Variants in COLGALT2 observed in about 807,000 individuals in gnomAD.
The protein encoded by COLGALT2 is collagen beta(1-O)galactosyltransferase 2, also known as procollagen galactosyltransferase 2.
A neutral mutation model predicts 73.4 loss-of-function variants in COLGALT2; 49 were observed. The ratio of observed to expected loss-of-function variants is 0.67; its 90% CI spans 0.53 to 0.85. COLGALT2 has a LOEUF of 0.85. COLGALT2 is among the 40% of genes least tolerant of loss of function. The probability of loss-of-function intolerance (pLI) is 0.00; values close to 1 mark genes in which losing one functional copy is unlikely to be tolerated. For synonymous variants in COLGALT2, 295 were observed against 307.6 expected (o/e 0.96, Z 0.43); for missense variants, 722 against 790.2 (o/e 0.91, Z 1.03).
intron 1 of COLGALT2, among the ~76,000 whole-genome samples, chr1:184,007,353 C>T (rs1210428457): frequency 6.6e-6 from 1 of 152,132 alleles, no homozygotes; most frequent in Non-Finnish European, 1.5e-5. Context: ...GTCTCAACAA[C>T]TCTAAAAGAG....
rs1669982476 is a variant in COLGALT2 at position 183,937,339 on chromosome 1, G to C, written c.*1422C>G. The C allele has an allele frequency of 9.6e-7, 1 of 1,038,208 alleles. No homozygotes were observed. Among genetic ancestry groups the C allele is most frequent in the South Asian group, 4.6e-5 (1 of 21,754 alleles). The allele number at this position is 1,038,208 out of a possible 1,614,324, so 64.3% of individuals were successfully genotyped here. A position where few individuals can be genotyped will look rare whatever the true frequency, so the allele number is the denominator to read the frequency against. On this transcript the variant is annotated 3_prime_UTR_variant, in exon 12 of 12. Transcript: ENST00000361927. Reference sequence around the variant, plus strand: ...AGGGCATGAGAACATAAACTTGAGGGAAACCACCATGATCTATACTAGGAT... The same window carrying C: ...AGGGCATGAGAACATAAACTTGAGGCAAACCACCATGATCTATACTAGGAT...
intron 1 of COLGALT2, among the ~76,000 whole-genome samples, chr1:183,985,340 T>G (rs1671458015): frequency 6.6e-6 from 1 of 152,216 alleles, no homozygotes; most frequent in Non-Finnish European, 1.5e-5. Context: ...TGGCACAATC[T>G]CAGCTCACTG....
chr1:183,934,479 C>T (rs1669907889), downstream of COLGALT2, among the ~76,000 whole-genome samples: 3 of 152,186 alleles, frequency 2.0e-5, no homozygotes, highest in African/African-American at 7.2e-5. Flanking sequence ...AACATCACCA[C>T]AAAACATCAT....
chr1:183,963,842 T>C, intron 6 of COLGALT2, 59 bp downstream of exon 6: 1 of 1,450,996 alleles, frequency 6.9e-7, no homozygotes. Flanking sequence ...GGGAAGTGGC[T>C]GGTATGGTCA....
chr1:184,023,398 G>A (rs1288032906), intron 1 of COLGALT2, among the ~76,000 whole-genome samples: 1 of 152,166 alleles, frequency 6.6e-6, no homozygotes, highest in African/African-American at 2.4e-5. Context: ...ACACTACTGT[G>A]AAGTAAAGCC....
chr1:183,967,126 A>C (rs960891215), intron 5 of COLGALT2, among the ~76,000 whole-genome samples: 1 of 152,248 alleles, frequency 6.6e-6, no homozygotes, highest in African/African-American at 2.4e-5. Flanking sequence ...GTTTCTCTTG[A>C]AAATACTTAG....
chr1:183,949,586 G>A (rs909189630), intron 8 of COLGALT2, among the ~76,000 whole-genome samples: 4 of 152,118 alleles, frequency 2.6e-5, no homozygotes, highest in African/African-American at 9.7e-5. Flanking sequence ...ACTCAACATA[G>A]ATCAAATACC....
At chr1:183,932,697 A>G (rs570662638), downstream of COLGALT2, among the ~76,000 whole-genome samples, 3 of 152,104 alleles carry the variant, frequency 2.0e-5, no homozygotes, top group Non-Finnish European at 2.9e-5. Flanking sequence ...CTCCCTGGCC[A>G]GCCTGCAGGC....
downstream of COLGALT2, among the ~76,000 whole-genome samples, chr1:183,934,584 AACTTT>A (rs1205310252): frequency 7.9e-5 from 12 of 152,296 alleles, no homozygotes; most frequent in East Asian, 2.3e-3. Flanking sequence ...GCCTCATTTT[AACTTT>A]ACTTTGTCAT....
In COLGALT2 at chr1:183,954,794, G is replaced by A. The variant is rs1470703139; in HGVS notation, c.997C>T (p.Pro333Ser). 8 of 1,613,314 alleles carry A rather than the reference G, an allele frequency of 5.0e-6. No homozygotes were observed. Among genetic ancestry groups the A allele is most frequent in the Non-Finnish European group, 5.9e-6 (7 of 1,179,418 alleles). Residue 333 changes from proline (P) to serine (S), a missense_variant, in exon 7 of 12, where the codon CCT becomes TCT. By Grantham distance (74) the Pro-to-Ser change is moderately conservative. Transcript: ENST00000361927. ...MEPSQYVSVV[P>S]KYPDKMGFDE... ...AATCCCATCTTGTCTGGATATTTAG[G>A]GACAACTGAGACATACTGGGAGGGT...
intron 11 of COLGALT2, among the ~76,000 whole-genome samples, chr1:183,939,320 G>A (rs1016956202): frequency 2.0e-5 from 3 of 152,226 alleles, no homozygotes; most frequent in Non-Finnish European, 2.9e-5. Context: ...AGTAAGCCCT[G>A]TTAGACCATA....
rs748311374 is a variant in COLGALT2, at chr1:183,951,001, A to G, written c.1136+6T>C. 4 of 1,605,444 alleles carry G rather than the reference A, an allele frequency of 2.5e-6. No homozygotes were observed. Among genetic ancestry groups the G allele is most frequent in the Non-Finnish European group, 3.4e-6 (4 of 1,172,612 alleles). ...CATCTGCAATGGGAGAAGAAACCCA[A>G]CTCACTTTCCATCCACAGCCTCGAC... On this transcript the variant is annotated splice_donor_region_variant and intron_variant, in intron 8 of 11. Coordinates refer to ENST00000361927, the MANE Select transcript of COLGALT2 (RefSeq NM_015101.4).
At chr1:183,970,633 A>T (rs1218836513) in intron 4 of COLGALT2, among the ~76,000 whole-genome samples, 1 of 152,192 alleles carries the variant, frequency 6.6e-6, no homozygotes. Flanking sequence ...GAGTCATCTT[A>T]ATCACCTTCT....
chr1:183,962,160 T>TTC (rs1325212914), intron 6 of COLGALT2, among the ~76,000 whole-genome samples: 1,597 of 128,290 alleles, frequency 0.012, 44 homozygotes, highest in African/African-American at 0.045. Context: ...CTTTCTTTTT[T>TTC]TTTTTTTTTT....
chr1:183,983,411 T>C (rs1671404635), intron 1 of COLGALT2, among the ~76,000 whole-genome samples: 4 of 152,244 alleles, frequency 2.6e-5, no homozygotes, highest in Admixed American at 2.0e-4. Context: ...CACTTCTAAC[T>C]ACTGCCTTGT....
intron 1 of COLGALT2, among the ~76,000 whole-genome samples, chr1:184,025,504 A>C (rs530727662): frequency 6.6e-6 from 1 of 152,200 alleles, no homozygotes; most frequent in South Asian, 2.1e-4. Flanking sequence ...GCCTGGCTAG[A>C]TGTGCTCAGA....
chr1:184,028,374 T>C (rs928922813), intron 1 of COLGALT2, among the ~76,000 whole-genome samples: 1 of 152,348 alleles, frequency 6.6e-6, no homozygotes, highest in African/African-American at 2.4e-5. Flanking sequence ...CTTAGAGTTA[T>C]GTCTCTCTCT....
chr1:183,965,240 A>C (rs1211570227), intron 5 of COLGALT2, among the ~76,000 whole-genome samples: 1 of 152,184 alleles, frequency 6.6e-6, no homozygotes, highest in Admixed American at 6.5e-5. Context: ...TGATGAATTC[A>C]GGAAGTGGAA....
At chr1:183,966,408 T>C (rs1670873603) in intron 5 of COLGALT2, among the ~76,000 whole-genome samples, 1 of 152,208 alleles carries the variant, frequency 6.6e-6, no homozygotes, top group Admixed American at 6.5e-5. Flanking sequence ...GATGTAATTA[T>C]CCCTATCTTT....
Sources: allele counts gnomAD v4.1 joint callset (sites outside exome capture counted in the v4.1 genomes callset), GRCh38; gene constraint gnomAD v4.1.1; transcripts MANE v1.5; gene names NCBI Gene and HGNC (gene_info 2026-07-23, HGNC 2026-07-21).